Variants in CDH4 observed in about 807,000 individuals in gnomAD.
CDH4 encodes cadherin 4, also known as cadherin-4.
Under a neutral mutation model 86.0 loss-of-function variants are expected in CDH4, and 33 were observed. That is an observed-to-expected ratio of 0.38 (90% CI 0.29 to 0.51). CDH4 has a LOEUF of 0.51. Ranked by LOEUF, CDH4 falls within the 20% of genes least tolerant of loss-of-function variation. CDH4 has a pLI of 0.86. For missense variants in CDH4, 1,114 were observed against 1,307.4 expected (o/e 0.85, Z 2.28); for synonymous variants, 555 against 549.4 (o/e 1.01, Z -0.14).
chr20:61,587,097 T>G (rs1169913543), intron 2 of CDH4, among the ~76,000 whole-genome samples: 1 of 152,168 alleles, frequency 6.6e-6, no homozygotes, highest in East Asian at 1.9e-4. Flanking sequence ...TGGGCACTGC[T>G]TCTCAGCATC....
At chr20:61,687,691 T>C (rs2145867458) in intron 2 of CDH4, among the ~76,000 whole-genome samples, 1 of 152,362 alleles carries the variant, frequency 6.6e-6, no homozygotes, top group East Asian at 1.9e-4. Context: ...AAATTCCTTC[T>C]GCCTTAAGTC....
intron 2 of CDH4, 28 bp from the exon 3 acceptor site, chr20:61,743,535 C>G: frequency 6.5e-7 from 1 of 1,539,316 alleles, no homozygotes; most frequent in South Asian, 1.2e-5. Context: ...GCCAAGCCGA[C>G]CCTGACTCTC....
Position 61,582,484 on chromosome 20 carries a change from G to C in CDH4, c.170-161079G>C, listed in dbSNP as rs966737857. Among the ~76,000 whole-genome samples the C allele has an allele frequency of 5.9e-5, 9 of 152,210 alleles. No homozygotes were observed. The highest frequency in any genetic ancestry group is 1.9e-4 in the African/African-American group (8 of 41,456). On this transcript the variant is annotated intron_variant, in intron 2 of 15. Transcript: ENST00000614565. The surrounding 1 kb of genome is among the most constrained non-coding windows in gnomAD (Gnocchi z 4.2). Reference sequence around the variant, plus strand: ...CCCTGGGCTCCAGGCTAACTCTCTGGAATGTTCCAACCTGGTTTCTGGGCA... The same window carrying C: ...CCCTGGGCTCCAGGCTAACTCTCTGCAATGTTCCAACCTGGTTTCTGGGCA...
In CDH4 at chr20:61,804,234, G is replaced by A. The variant is rs141382059; in HGVS notation, c.576+31052G>A. ...GGCTGGAGATTCGCCCTCAGGTGAG[G>A]GGCTGGCCTCTGCAGGTTCTGTTTT... On this transcript the variant is annotated intron_variant, in intron 4 of 15. Coordinates refer to ENST00000614565, the MANE Select transcript of CDH4 (RefSeq NM_001794.5). 1.7e-3 allele frequency among the ~76,000 whole-genome samples: 254 copies of A among 152,348 alleles called. 1 individual carries two copies. The highest frequency in any genetic ancestry group is 5.7e-3 in the African/African-American group (238 of 41,582).
chr20:61,901,943 C>G (rs1490900344), intron 8 of CDH4, among the ~76,000 whole-genome samples: 1 of 152,202 alleles, frequency 6.6e-6, no homozygotes, highest in Non-Finnish European at 1.5e-5. Context: ...GGCCGTGGCT[C>G]ATCTTTATGA....
chr20:61,516,956 GT>G lies in CDH4; in HGVS notation c.170-226606del, dbSNP rs1202370172. 5.3e-5 allele frequency among the ~76,000 whole-genome samples: 8 copies of G among 152,284 alleles called. No individual in the cohort carries two copies. In the South Asian group the frequency reaches 1.5e-3, roughly 28 times the overall value. ...GTTTGTAACATGGGGTGTTTTCAATGTATTGGGATGTCATGCACGCCCTGAA... is the reference window on the plus strand; with the variant it reads ...GTTTGTAACATGGGGTGTTTTCAATGATTGGGATGTCATGCACGCCCTGAA... On this transcript the variant is annotated intron_variant, in intron 2 of 15. Coordinates refer to ENST00000614565, the MANE Select transcript of CDH4 (RefSeq NM_001794.5). This position sits in a 1 kb window ranked among gnomAD's most constrained non-coding sequence, Gnocchi z 4.0.
rs2087868405 is a variant in CDH4 at position 61,709,611 on chromosome 20, G to A, written c.170-33952G>A. On this transcript the variant is annotated intron_variant, in intron 2 of 15. Transcript: ENST00000614565. The surrounding 1 kb of genome is among the most constrained non-coding windows in gnomAD (Gnocchi z 4.8). The stretch of plus-strand genomic sequence containing the variant: ...GACAATTTTTTTTTTTTTATCGCTG[G>A]CTAATCACAGAGTGAGCAGAGGTGC... 6.6e-6 allele frequency among the ~76,000 whole-genome samples: 1 copy of A among 151,646 alleles called. No individual in the cohort carries two copies. The highest frequency in any genetic ancestry group is 1.5e-5 in the Non-Finnish European group (1 of 67,932).
rs143103976 is a variant in CDH4 at position 61,669,349 on chromosome 20, T to C, written c.170-74214T>C. Among the ~76,000 whole-genome samples, 95 of 152,246 alleles carry C rather than the reference T, an allele frequency of 6.2e-4. 1 individual carries two copies. The highest frequency in any genetic ancestry group is 1.1e-3 in the Non-Finnish European group (72 of 68,000). On this transcript the variant is annotated intron_variant, in intron 2 of 15. Transcript: ENST00000614565. The stretch of plus-strand genomic sequence containing the variant: ...GGCAAAGCCTAGCAGGTCCACCATC[T>C]GGTGACCGGCGGGATGGGAATGGGA...
Position 61,506,571 on chromosome 20 carries a change from A to G in CDH4, c.170-236992A>G, listed in dbSNP as rs73150259. ...CTGTTGGGCAGAATTGTATCAGAGA[A>G]TTAATTGTATCAAAGAATTAATTCA... On this transcript the variant is annotated intron_variant, in intron 2 of 15. Coordinates refer to ENST00000614565, the MANE Select transcript of CDH4 (RefSeq NM_001794.5). Among the ~76,000 whole-genome samples the G allele has an allele frequency of 8.4e-3, 1,279 of 152,368 alleles. 11 individuals are homozygous for G. Among genetic ancestry groups the G allele is most frequent in the Non-Finnish European group, 0.014 (937 of 68,036 alleles).
chr20:61,444,931 G>A (rs913628599), intron 2 of CDH4, among the ~76,000 whole-genome samples: 4 of 151,742 alleles, frequency 2.6e-5, no homozygotes, highest in Non-Finnish European at 4.4e-5. Context: ...GTGTGTGTCT[G>A]TATCTATTTG....
intron 3 of CDH4, among the ~76,000 whole-genome samples, chr20:61,744,012 C>T (rs1308249645): frequency 1.3e-5 from 2 of 152,370 alleles, no homozygotes; most frequent in African/African-American, 4.8e-5. Flanking sequence ...ACAGGCCCCA[C>T]ACTCAGGTTC....
intron 2 of CDH4, among the ~76,000 whole-genome samples, chr20:61,262,714 A>G (rs888262803): frequency 1.3e-5 from 2 of 152,004 alleles, no homozygotes; most frequent in Non-Finnish European, 2.9e-5. Context: ...TTGCAAATGG[A>G]GGTGGATAAA....
chr20:61,879,817 TC>T lies in CDH4; in HGVS notation c.1050+5920del, dbSNP rs1984202072. 6.6e-6 allele frequency among the ~76,000 whole-genome samples: 1 copy of T among 152,204 alleles called. No individual in the cohort carries two copies. Among genetic ancestry groups the T allele is most frequent in the African/African-American group, 2.4e-5 (1 of 41,456 alleles). ...CACCGGGCCAGCATTGTTCTCAGCG[TC>T]CCTTCCAGGCTGCTCCCGAGGATGT... On this transcript the variant is annotated intron_variant, in intron 7 of 15. Transcript: ENST00000614565. This position sits in a 1 kb window ranked among gnomAD's most constrained non-coding sequence, Gnocchi z 4.1.
chr20:61,476,451 A>T (rs1280190725), intron 2 of CDH4, among the ~76,000 whole-genome samples: 1 of 152,234 alleles, frequency 6.6e-6, no homozygotes. Flanking sequence ...TAGACACAAC[A>T]CATAACACAC....
At chr20:61,565,888 T>A (rs1283911442) in intron 2 of CDH4, among the ~76,000 whole-genome samples, 1 of 152,148 alleles carries the variant, frequency 6.6e-6, no homozygotes, top group African/African-American at 2.4e-5. Flanking sequence ...CTGCCTGGGG[T>A]GAGGGTGTCT....
chr20:61,793,002 G>A (rs1037935350), intron 4 of CDH4, among the ~76,000 whole-genome samples: 2 of 150,814 alleles, frequency 1.3e-5, no homozygotes, highest in African/African-American at 2.4e-5. Flanking sequence ...TCACTCTGTT[G>A]CCCAGGCTGG....
At chr20:61,599,923 T>G (rs1600795622) in intron 2 of CDH4, 3 of 984,686 alleles carry the variant, frequency 3.0e-6, no homozygotes, top group Non-Finnish European at 3.6e-6. Flanking sequence ...GAGGAAGGAG[T>G]CCCAGCCACA....
chr20:61,911,114 T>C (rs892950924), intron 9 of CDH4, among the ~76,000 whole-genome samples: 22 of 152,254 alleles, frequency 1.4e-4, no homozygotes, highest in African/African-American at 9.6e-5. Context: ...ACAGGTCTTA[T>C]GATGCTGTAA....
At position 61,725,369 on chromosome 20, in the gene CDH4, A is replaced by G. The variant is rs188058125; in HGVS notation, c.170-18194A>G. 3.9e-5 allele frequency among the ~76,000 whole-genome samples: 6 copies of G among 152,312 alleles called. 1 individual carries two copies. In the East Asian group the frequency reaches 1.2e-3, roughly 29 times the overall value. Reference sequence around the variant, plus strand: ...TAGGCACCTGCAGCTGGGAAGGGCCAGAGCCAGGACCCAGGTCTGGTCTCT... The same window carrying G: ...TAGGCACCTGCAGCTGGGAAGGGCCGGAGCCAGGACCCAGGTCTGGTCTCT... On this transcript the variant is annotated intron_variant, in intron 2 of 15. Coordinates refer to ENST00000614565, the MANE Select transcript of CDH4 (RefSeq NM_001794.5).
Sources: allele counts gnomAD v4.1 joint callset (sites outside exome capture counted in the v4.1 genomes callset), GRCh38; gene constraint gnomAD v4.1.1; non-coding constraint Gnocchi (gnomAD v3.1); transcripts MANE v1.5; gene names NCBI Gene and HGNC (gene_info 2026-07-23, HGNC 2026-07-21).